Variants in SORCS1 observed in about 807,000 individuals in gnomAD.
SORCS1 encodes the protein VPS10 domain-containing receptor SorCS1.
Under a neutral mutation model 146.1 loss-of-function variants are expected in SORCS1, and 60 were observed. The observed-to-expected ratio is 0.41, with a 90% confidence interval of 0.33 to 0.51. The LOEUF is 0.51. SORCS1 is among the 20% of genes least tolerant of loss of function. SORCS1 has a pLI of 0.21. For synonymous variants in SORCS1, 637 were observed against 584.0 expected, an observed-to-expected ratio of 1.09 and a Z score of -1.31; for missense variants, 1,352 against 1,487.6, an observed-to-expected ratio of 0.91 and a Z score of 1.50.
At chr10:106,870,390 A>G (rs917736167) in intron 2 of SORCS1, among the ~76,000 whole-genome samples, 1 of 152,216 alleles carries the variant, frequency 6.6e-6, no homozygotes, top group Admixed American at 6.5e-5. Flanking sequence ...GGCAATCTTA[A>G]GCAAATAGAA....
chr10:106,930,344 C>T (rs1158853881), intron 2 of SORCS1, among the ~76,000 whole-genome samples: 2 of 151,914 alleles, frequency 1.3e-5, no homozygotes, highest in Non-Finnish European at 2.9e-5. Flanking sequence ...GTTACAAAAT[C>T]ACCAGGAAAG....
At chr10:106,584,693 T>C (rs899764853) in intron 24 of SORCS1, among the ~76,000 whole-genome samples, 1 of 152,236 alleles carries the variant, frequency 6.6e-6, no homozygotes, top group Non-Finnish European at 1.5e-5. Context: ...TGAATCATTG[T>C]TTGCCCAAAT....
chr10:106,987,575 G>A (rs368135793), intron 1 of SORCS1, among the ~76,000 whole-genome samples: 5 of 152,138 alleles, frequency 3.3e-5, no homozygotes, highest in East Asian at 1.9e-4. Flanking sequence ...CTTACGGACC[G>A]GGCAGTGCCC....
At chr10:107,084,409 AG>A (rs1963605758) in intron 1 of SORCS1, among the ~76,000 whole-genome samples, 1 of 151,910 alleles carries the variant, frequency 6.6e-6, no homozygotes, top group Non-Finnish European at 1.5e-5. Context: ...GGCCAGGAAA[AG>A]GTTTTAAATG....
chr10:107,149,720 A>T (rs1968616767), intron 1 of SORCS1, among the ~76,000 whole-genome samples: 1 of 152,234 alleles, frequency 6.6e-6, no homozygotes, highest in South Asian at 2.1e-4. Flanking sequence ...GGACAAGAAC[A>T]CAACATTCTA....
chr10:107,174,798 A>T, the SORCS1 span, among the ~76,000 whole-genome samples: 1 of 152,144 alleles, frequency 6.6e-6, no homozygotes, highest in Non-Finnish European at 1.5e-5. Flanking sequence ...AGCAAGATGA[A>T]TATGATATTG....
At chr10:107,067,720 T>C (rs890603780) in intron 1 of SORCS1, among the ~76,000 whole-genome samples, 2 of 152,198 alleles carry the variant, frequency 1.3e-5, no homozygotes, top group African/African-American at 4.8e-5. Context: ...GTTCTTTCAA[T>C]TATTAACTGT....
intron 2 of SORCS1, among the ~76,000 whole-genome samples, chr10:106,843,711 A>C (rs1479402889): frequency 6.6e-6 from 1 of 152,206 alleles, no homozygotes; most frequent in South Asian, 2.1e-4. Context: ...CTGGGATTAC[A>C]GGCGTGAGCC....
chr10:106,878,481 G>GC (rs1037986926), intron 2 of SORCS1, among the ~76,000 whole-genome samples: 6 of 151,136 alleles, frequency 4.0e-5, no homozygotes, highest in Non-Finnish European at 7.4e-5. Context: ...GGGCTGCCTT[G>GC]CCCCTTTCTG....
chr10:107,054,981 G>C (rs1176811617), intron 1 of SORCS1, among the ~76,000 whole-genome samples: 2 of 152,182 alleles, frequency 1.3e-5, no homozygotes, highest in African/African-American at 2.4e-5. Context: ...GAGCCCATCA[G>C]ATAGTCAGAG....
intron 19 of SORCS1, among the ~76,000 whole-genome samples, chr10:106,625,656 A>T (rs1229419499): frequency 6.6e-6 from 1 of 152,156 alleles, no homozygotes; most frequent in African/African-American, 2.4e-5. Context: ...AGCTACACAG[A>T]TCATTTTACT....
At chr10:106,771,288 C>A (rs1860004355) in intron 4 of SORCS1, among the ~76,000 whole-genome samples, 1 of 152,124 alleles carries the variant, frequency 6.6e-6, no homozygotes. Flanking sequence ...TGTTTCCCAA[C>A]ACATCATGTT....
intron 3 of SORCS1, among the ~76,000 whole-genome samples, chr10:106,817,287 G>A (rs1044035131): frequency 4.6e-5 from 7 of 152,310 alleles, no homozygotes; most frequent in South Asian, 2.1e-4. Context: ...CATCCATCCC[G>A]GTGAAATCTG....
At chr10:106,870,451 C>G (rs774635110) in intron 2 of SORCS1, among the ~76,000 whole-genome samples, 1 of 152,136 alleles carries the variant, frequency 6.6e-6, no homozygotes, top group Non-Finnish European at 1.5e-5. Context: ...CACAGGGCTA[C>G]AGTAACCAAA....
intron 9 of SORCS1, among the ~76,000 whole-genome samples, chr10:106,694,641 C>T (rs141590111): frequency 3.0e-4 from 45 of 152,258 alleles, no homozygotes; most frequent in African/African-American, 9.4e-4. Context: ...GGCAGTCTTG[C>T]TCCAAAAAAT....
intron 2 of SORCS1, among the ~76,000 whole-genome samples, chr10:106,859,691 A>G (rs1024574253): frequency 1.3e-5 from 2 of 152,068 alleles, no homozygotes; most frequent in Non-Finnish European, 2.9e-5. Flanking sequence ...CTACCGGCCA[A>G]TATCCCTTCT....
intron 2 of SORCS1, among the ~76,000 whole-genome samples, chr10:106,885,151 A>G (rs1950947067): frequency 1.3e-5 from 2 of 152,220 alleles, no homozygotes; most frequent in African/African-American, 4.8e-5. Context: ...TAAATAGCCA[A>G]TTTAGACAGA....
chr10:106,941,573 A>T (rs1954043897), intron 2 of SORCS1, among the ~76,000 whole-genome samples: 1 of 152,254 alleles, frequency 6.6e-6, no homozygotes, highest in African/African-American at 2.4e-5. Context: ...AGAACACACA[A>T]TACCCTTCCT....
chr10:106,588,860 CAAAAAAAAA>C (rs778852501), intron 24 of SORCS1, among the ~76,000 whole-genome samples: 11 of 35,090 alleles, frequency 3.1e-4, no homozygotes, highest in East Asian at 2.1e-3. Flanking sequence ...GACTCCATCT[CAAAAAAAAA>C]AAAAAAAAAA....
Sources: allele counts gnomAD v4.1 joint callset (sites outside exome capture counted in the v4.1 genomes callset), GRCh38; gene constraint gnomAD v4.1.1; transcripts MANE v1.5; gene names NCBI Gene and HGNC (gene_info 2026-07-23, HGNC 2026-07-21).